ATG7: variants seen among roughly 807,000 people sequenced by gnomAD.
ATG7 encodes the protein ubiquitin-like modifier-activating enzyme ATG7.
ATG7 carries 70 observed loss-of-function variants against 82.4 expected under a neutral mutation model. The ratio of observed to expected loss-of-function variants is 0.85; its 90% CI spans 0.70 to 1.04. ATG7 has a LOEUF of 1.04. Ranked by LOEUF, ATG7 falls within the 50% of genes least tolerant of loss-of-function variation. The pLI is 0.00. For missense variants in ATG7, 792 were observed against 864.3 expected, an observed-to-expected ratio of 0.92 and a Z score of 1.05; for synonymous variants, 287 against 313.0, an observed-to-expected ratio of 0.92 and a Z score of 0.88.
At chr3:11,374,615 G>A (rs564657242) in intron 18 of ATG7, among the ~76,000 whole-genome samples, 1 of 152,230 alleles carries the variant, frequency 6.6e-6, no homozygotes, top group Non-Finnish European at 1.5e-5. Flanking sequence ...CTTCAAGAAA[G>A]CACAAAAAGT....
intron 19 of ATG7, among the ~76,000 whole-genome samples, chr3:11,386,391 T>A (rs1487388429): frequency 1.3e-5 from 2 of 152,222 alleles, no homozygotes; most frequent in African/African-American, 4.8e-5. Flanking sequence ...AAAATATATA[T>A]GTATGTATAT....
intron 1 of ATG7, among the ~76,000 whole-genome samples, chr3:11,273,414 A>G (rs951954609): frequency 1.3e-5 from 2 of 152,186 alleles, no homozygotes; most frequent in African/African-American, 4.8e-5. Flanking sequence ...CGGTAATCTT[A>G]GCTCACTGTT....
chr3:11,389,232 CAAAAAAAAAA>C (rs752930553), intron 19 of ATG7, among the ~76,000 whole-genome samples: 2 of 57,250 alleles, frequency 3.5e-5, no homozygotes, highest in African/African-American at 1.6e-4. Flanking sequence ...GACCCTGTCT[CAAAAAAAAAA>C]AAAAAAAAAA....
rs1250385780 is a variant in ATG7 at position 11,308,922 on chromosome 3, C to G, written c.334-62C>G. The G allele has an allele frequency of 4.1e-6, 6 of 1,469,446 alleles. No individual in the cohort carries two copies. The East Asian group carries it at 1.1e-4, about 28-fold the overall frequency. 91.0% of individuals were successfully genotyped at this position (1,469,446 alleles called of 1,614,324 possible). On this transcript the variant is annotated intron_variant, in intron 6 of 20. Transcript: ENST00000693202. The stretch of plus-strand genomic sequence containing the variant: ...GGTGCTTTTCAGCTCCACACTTCAC[C>G]TGAGAGTGAGAAACTCAGAGATGCC...
chr3:11,388,023 C>G (rs2078451027), intron 19 of ATG7, among the ~76,000 whole-genome samples: 1 of 152,130 alleles, frequency 6.6e-6, no homozygotes, highest in Non-Finnish European at 1.5e-5. Context: ...GTCCCTGAAA[C>G]ATCTCTGTGG....
At chr3:11,526,720 A>G (rs951668954) in intron 20 of ATG7, among the ~76,000 whole-genome samples, 2 of 151,956 alleles carry the variant, frequency 1.3e-5, no homozygotes, top group Middle Eastern at 3.2e-3. Flanking sequence ...TGTGTACCTC[A>G]TTTCTTTTTC....
At chr3:11,429,302 C>T (rs1338670097) in intron 20 of ATG7, among the ~76,000 whole-genome samples, 1 of 152,048 alleles carries the variant, frequency 6.6e-6, no homozygotes, top group Non-Finnish European at 1.5e-5. Context: ...TTGAGACCAG[C>T]CTGGCCAACA....
chr3:11,315,019 G>A (rs1477251522), intron 8 of ATG7, among the ~76,000 whole-genome samples: 1 of 152,194 alleles, frequency 6.6e-6, no homozygotes, highest in African/African-American at 2.4e-5. Context: ...TTCATCAGGG[G>A]TAGATTCATG....
chr3:11,291,937 A>G (rs1345060312), intron 3 of ATG7, among the ~76,000 whole-genome samples: 1 of 152,234 alleles, frequency 6.6e-6, no homozygotes, highest in Non-Finnish European at 1.5e-5. Context: ...AAGGCCAGTA[A>G]GCTTTCGTTT....
intron 20 of ATG7, 53 bp from the exon 21 acceptor site, chr3:11,554,758 C>G (rs2072238736): frequency 1.2e-6 from 2 of 1,601,874 alleles, no homozygotes; most frequent in Admixed American, 1.7e-5. Flanking sequence ...ATCTGTGTGC[C>G]CCCCACCGGG....
intron 20 of ATG7, among the ~76,000 whole-genome samples, chr3:11,495,774 C>G (rs1417486869): frequency 6.6e-6 from 1 of 152,184 alleles, no homozygotes; most frequent in African/African-American, 2.4e-5. Flanking sequence ...AAATGTGGTT[C>G]TAGAGAACTC....
intron 20 of ATG7, among the ~76,000 whole-genome samples, chr3:11,518,000 A>C (rs935727622): frequency 1.3e-5 from 2 of 152,174 alleles, no homozygotes; most frequent in Non-Finnish European, 2.9e-5. Flanking sequence ...GGCAGGCTAG[A>C]AAGAAGTAGA....
chr3:11,348,274 G>A (rs763986959), intron 14 of ATG7: 34 of 480,688 alleles, frequency 7.1e-5, no homozygotes, highest in Non-Finnish European at 1.1e-4. Flanking sequence ...CCTTCAGTGC[G>A]TTCTTGGTCT....
intron 20 of ATG7, among the ~76,000 whole-genome samples, chr3:11,478,734 T>G (rs950004714): frequency 1.1e-4 from 16 of 152,002 alleles, no homozygotes; most frequent in Non-Finnish European, 2.1e-4. Flanking sequence ...CCCCCAAACA[T>G]GATCTAATCA....
chr3:11,528,239 T>C (rs1449676399), intron 20 of ATG7, among the ~76,000 whole-genome samples: 1 of 152,226 alleles, frequency 6.6e-6, no homozygotes, highest in Non-Finnish European at 1.5e-5. Context: ...TCAACAAATA[T>C]ATCTTGAGCT....
At chr3:11,573,391 GAAAGAAAA>G in the ATG7 span, among the ~76,000 whole-genome samples, 7 of 148,216 alleles carry the variant, frequency 4.7e-5, no homozygotes, top group African/African-American at 1.7e-4. Flanking sequence ...AAGAAAGAAA[GAAAGAAAA>G]TGGCCCCATA....
At chr3:11,465,086 A>G (rs2086692747) in intron 20 of ATG7, among the ~76,000 whole-genome samples, 2 of 71,518 alleles carry the variant, frequency 2.8e-5, no homozygotes, top group African/African-American at 1.1e-4. Context: ...CTAAAAACCT[A>G]AAGTGTGTGT....
chr3:11,565,292 T>C, the ATG7 span, among the ~76,000 whole-genome samples: 2 of 152,098 alleles, frequency 1.3e-5, no homozygotes, highest in South Asian at 4.1e-4. This position sits in a 1 kb window ranked among gnomAD's most constrained non-coding sequence, Gnocchi z 4.1. Flanking sequence ...TGACTCTGTG[T>C]TCACTTCTAT....
rs555598770 is a variant in ATG7, at chr3:11,480,383, T to A, written c.2079+53457T>A. On this transcript the variant is annotated intron_variant, in intron 20 of 20. Transcript: ENST00000693202. ...AAGACCCTGTCTCTACAAAAACATT[T>A]AAGATTGGCTGGGCGTGGTTGTGCA... 2.0e-5 allele frequency among the ~76,000 whole-genome samples: 3 copies of A among 152,078 alleles called. No homozygotes were observed. In the East Asian group the frequency reaches 5.9e-4, roughly 30 times the overall value.
Sources: allele counts gnomAD v4.1 joint callset (sites outside exome capture counted in the v4.1 genomes callset), GRCh38; gene constraint gnomAD v4.1.1; non-coding constraint Gnocchi (gnomAD v3.1); transcripts MANE v1.5; gene names NCBI Gene and HGNC (gene_info 2026-07-23, HGNC 2026-07-21).